The following ANXA6 variants were observed in gnomAD, a reference collection of about 807,000 sequenced individuals.
The protein encoded by ANXA6 is 67 kDa calelectrin.
ANXA6 carries 71 observed loss-of-function variants against 95.4 expected under a neutral mutation model. The ratio of observed to expected loss-of-function variants is 0.74; its 90% confidence interval spans 0.61 to 0.91. The LOEUF is 0.91. Among genes scored for constraint, ANXA6 ranks in the 40% least tolerant of loss-of-function variants. The probability of loss-of-function intolerance (pLI) is 0.00; values close to 1 mark genes in which losing one functional copy is unlikely to be tolerated. For missense variants in ANXA6, 830 were observed against 876.4 expected, an observed-to-expected ratio of 0.95 and a Z score of 0.67; for synonymous variants, 289 against 315.9, an observed-to-expected ratio of 0.91 and a Z score of 0.90.
chr5:151,116,463 T>A lies in ANXA6; in HGVS notation c.1572+664A>T, dbSNP rs541401965. Among the ~76,000 whole-genome samples, 4 of 152,286 alleles carry A rather than the reference T, an allele frequency of 2.6e-5. No individual in the cohort carries two copies. In the East Asian group the frequency reaches 7.7e-4, roughly 29 times the overall value. Reference sequence around the variant, plus strand: ...ATAGAACCCTCAGGGAAAATGAATTTGGGGTTGTCCAACCTCCAGAAGAAG... The same window carrying A: ...ATAGAACCCTCAGGGAAAATGAATTAGGGGTTGTCCAACCTCCAGAAGAAG... On this transcript the variant is annotated intron_variant, in intron 20 of 25. Transcript: ENST00000354546.
chr5:151,141,685 G>A, intron 2 of ANXA6: 2 of 985,484 alleles, frequency 2.0e-6, no homozygotes, highest in Non-Finnish European at 2.4e-6. Flanking sequence ...TCTGAGGTAT[G>A]CATGCGTCGG....
chr5:151,123,168 C>T (rs1331598228), intron 15 of ANXA6, among the ~76,000 whole-genome samples, 157 bp from the exon 16 acceptor site: 1 of 152,208 alleles, frequency 6.6e-6, no homozygotes, highest in East Asian at 1.9e-4. Context: ...TTGCCTATGG[C>T]TCAGGCCACT....
At chr5:151,102,339 T>C (rs1764572612) in intron 25 of ANXA6, among the ~76,000 whole-genome samples, 1 of 152,178 alleles carries the variant, frequency 6.6e-6, no homozygotes, top group Non-Finnish European at 1.5e-5. Context: ...GTTAGCCAAG[T>C]AGAACCAAGC....
chr5:151,105,407 G>A, intron 23 of ANXA6, 104 bp from the exon 24 acceptor site: 1 of 976,852 alleles, frequency 1.0e-6, no homozygotes, highest in Non-Finnish European at 1.6e-6. Flanking sequence ...CCCTGCATGG[G>A]TCTGCAGATC....
intron 1 of ANXA6, among the ~76,000 whole-genome samples, chr5:151,155,919 G>C (rs1289066111): frequency 6.6e-6 from 1 of 152,178 alleles, no homozygotes; most frequent in African/African-American, 2.4e-5. Flanking sequence ...CTGCAGTGCG[G>C]ATGTGCCAGT....
At chr5:151,128,841 A>G (rs1056423429) in intron 12 of ANXA6, among the ~76,000 whole-genome samples, 1 of 151,622 alleles carries the variant, frequency 6.6e-6, no homozygotes, top group Non-Finnish European at 1.5e-5. Context: ...CCCATAGAAC[A>G]TTTTGCACAT....
intron 2 of ANXA6, chr5:151,141,624 C>G (rs1765837451): frequency 1.0e-6 from 1 of 985,336 alleles, no homozygotes; most frequent in Non-Finnish European, 1.2e-6. Context: ...CTGCAGGACC[C>G]CGGCCAGGCC....
chr5:151,131,790 C>T (rs1420652838), intron 10 of ANXA6, among the ~76,000 whole-genome samples: 2 of 152,122 alleles, frequency 1.3e-5, no homozygotes, highest in East Asian at 3.8e-4. Flanking sequence ...CACAACATAT[C>T]CCTGACTCAG....
rs1193311313 is a variant in ANXA6 at position 151,140,267 on chromosome 5, G to A, written c.19-24C>T. On this transcript the variant is annotated intron_variant, in intron 2 of 25. Coordinates refer to ENST00000354546, the MANE Select transcript of ANXA6 (RefSeq NM_001155.5). ...CCCTGTGGAGAAAAAAGTAGAGGGT[G>A]AGCTGCCAACCCCGGACTGAGACCA... The A allele has an allele frequency of 2.5e-6, 4 of 1,607,448 alleles. No homozygotes were observed. The African/African-American group carries it at 5.3e-5, about 21-fold the overall frequency.
At chr5:151,124,908 A>G (rs528403012) in intron 14 of ANXA6, among the ~76,000 whole-genome samples, 22 of 152,306 alleles carry the variant, frequency 1.4e-4, no homozygotes, top group Non-Finnish European at 2.6e-4. Flanking sequence ...ATGTAATTCA[A>G]CTTCTTTTCT....
chr5:151,126,056 T>C (rs1307786638), intron 14 of ANXA6, among the ~76,000 whole-genome samples: 1 of 152,172 alleles, frequency 6.6e-6, no homozygotes, highest in Non-Finnish European at 1.5e-5. Context: ...AATCCTCCAG[T>C]GCACCCAGGG....
chr5:151,140,163 C>T lies in ANXA6; in HGVS notation c.99G>A (p.Met33Ile). Residue 33 changes from methionine to isoleucine, a missense_variant, in exon 3 of 26, where the codon ATG becomes ATA. By Grantham distance (10) the Met-to-Ile change is conservative. Transcript: ENST00000354546. ...NQDAEALYTA[M>I]KGFGSDKEAI... ...AAGCCTGGCACCCACCAAAGCCCTT[C>T]ATGGCAGTGTACAGAGCCTCGGCAT... The T allele has an allele frequency of 6.2e-7, 1 of 1,613,940 alleles. No homozygotes were observed. Among genetic ancestry groups the T allele is most frequent in the Non-Finnish European group, 8.5e-7 (1 of 1,179,852 alleles).
chr5:151,121,917 C>A (rs574115701), intron 17 of ANXA6, among the ~76,000 whole-genome samples: 106 of 152,304 alleles, frequency 7.0e-4, no homozygotes, highest in Admixed American at 3.1e-3. Context: ...AGAGCCAAGA[C>A]AGGGGTGAGC....
intron 2 of ANXA6, among the ~76,000 whole-genome samples, chr5:151,145,637 G>A (rs542777850): frequency 1.3e-5 from 2 of 152,344 alleles, no homozygotes; most frequent in South Asian, 4.1e-4. Flanking sequence ...ATGCATGCAT[G>A]TGTGCGTGTG....
Position 151,117,178 on chromosome 5 carries a change from C to T in ANXA6, c.1521G>A (p.Gly507=). The T allele has an allele frequency of 6.3e-7, 1 of 1,590,756 alleles. No homozygotes were observed. The highest frequency in any genetic ancestry group is 8.6e-7 in the Non-Finnish European group (1 of 1,166,408). Reference sequence around the variant, plus strand: ...GGTTTTCTCCTCCCTCCTCACGATGCCCCTGCAGCAGGAGCAGCAAGAAAG... The same window carrying T: ...GGTTTTCTCCTCCCTCCTCACGATGTCCCTGCAGCAGGAGCAGCAAGAAAG... The part of the protein sequence containing the change: ...FRRILISLAT[G]HREEGGENLD... Residue 507 remains glycine, a splice_region_variant and synonymous_variant, in exon 20 of 26, where the codon GGG becomes GGA. Transcript: ENST00000354546.
chr5:151,132,994 G>C (rs1162397246), intron 9 of ANXA6, 100 bp downstream of exon 9: 4 of 885,500 alleles, frequency 4.5e-6, no homozygotes, highest in African/African-American at 1.7e-5. Context: ...AATGAAGTAG[G>C]TATCATGTTC....
At chr5:151,128,749 T>C (rs1317165667) in intron 12 of ANXA6, among the ~76,000 whole-genome samples, 2 of 152,214 alleles carry the variant, frequency 1.3e-5, no homozygotes, top group Non-Finnish European at 2.9e-5. Context: ...GACTTCAAAA[T>C]GTGAAAGGCT....
chr5:151,118,671 G>A (rs1005064449), intron 18 of ANXA6, among the ~76,000 whole-genome samples: 1 of 152,018 alleles, frequency 6.6e-6, no homozygotes, highest in African/African-American at 2.4e-5. Flanking sequence ...TGACCTCAAG[G>A]GATCCACCAT....
In ANXA6 at chr5:151,126,472, C is replaced by T. The variant is rs927372658; in HGVS notation, c.986G>A (p.Gly329Asp). ...KLSGGDDDAA[G>D]QFFPEAAQVA... is the part of the protein sequence containing the mutation. ...CTGCGCTGCCTCCGGGAAGAACTGGCCAGCAGCACTGGAATGGAGGGGTTT... is the reference window on the plus strand; with the variant it reads ...CTGCGCTGCCTCCGGGAAGAACTGGTCAGCAGCACTGGAATGGAGGGGTTT... The change falls in exon 14 of 26, where the codon GGC becomes GAC. Residue 329 changes from glycine (G) to aspartate (D), a missense_variant. Transcript: ENST00000354546. 6.8e-6 allele frequency: 11 copies of T among 1,609,034 alleles called. No homozygotes were observed. Among genetic ancestry groups the T allele is most frequent in the Admixed American group, 1.7e-5 (1 of 59,340 alleles).
Sources: allele counts gnomAD v4.1 joint callset (sites outside exome capture counted in the v4.1 genomes callset), GRCh38; gene constraint gnomAD v4.1.1; transcripts MANE v1.5; gene names NCBI Gene and HGNC (gene_info 2026-07-23, HGNC 2026-07-21).